TRAPPC9: variants seen among roughly 807,000 people sequenced by gnomAD.
TRAPPC9 encodes IKK2 binding protein.
TRAPPC9 carries 83 observed loss-of-function variants against 124.0 expected under a neutral mutation model. The ratio of observed to expected loss-of-function variants is 0.67; its 90% CI spans 0.56 to 0.80. The LOEUF is 0.80. Ranked by LOEUF, TRAPPC9 falls within the 30% of genes least tolerant of loss-of-function variation. TRAPPC9 has a pLI of 0.00. For missense variants in TRAPPC9, 1,302 were observed against 1,508.3 expected, an observed-to-expected ratio of 0.86 and a Z score of 2.27; for synonymous variants, 638 against 617.5, an observed-to-expected ratio of 1.03 and a Z score of -0.49.
chr8:140,222,067 A>G (rs12545067), intron 16 of TRAPPC9, among the ~76,000 whole-genome samples: 105,792 of 151,954 alleles, frequency 0.7, 37,138 homozygotes, highest in Admixed American at 0.75. Flanking sequence ...TGTGATGACC[A>G]AGGCCCCAGC....
At chr8:140,350,262 G>GCCTGT (rs1032887387) in intron 9 of TRAPPC9, among the ~76,000 whole-genome samples, 2 of 152,118 alleles carry the variant, frequency 1.3e-5, no homozygotes, top group Non-Finnish European at 2.9e-5. Context: ...TGTATTCAGC[G>GCCTGT]ACGTCTGCTG....
rs1298740619 is a variant in TRAPPC9, at chr8:140,292,937, A to C, written c.1769-1859T>G. ...ATCAGAGTGAACAGGCAACCTACAA[A>C]ATGGGAGAAAATTTTCGCAACCTAC... On this transcript the variant is annotated intron_variant, in intron 11 of 22. Transcript: ENST00000438773. 5.7e-5 allele frequency among the ~76,000 whole-genome samples: 8 copies of C among 141,028 alleles called. No homozygotes were observed. In the East Asian group the frequency reaches 8.0e-4, roughly 14 times the overall value. The allele number at this position is 141,028 out of a possible 152,430, so 92.5% of individuals were successfully genotyped here. A position where few individuals can be genotyped will look rare whatever the true frequency, so the allele number is the denominator to read the frequency against.
chr8:140,135,550 GTA>G (rs1409725423), intron 17 of TRAPPC9, among the ~76,000 whole-genome samples: 1 of 152,164 alleles, frequency 6.6e-6, no homozygotes, highest in East Asian at 1.9e-4. Flanking sequence ...GACAAATACT[GTA>G]TAATTCCACA....
At chr8:140,340,603 G>A (rs532370702) in intron 9 of TRAPPC9, among the ~76,000 whole-genome samples, 2 of 152,258 alleles carry the variant, frequency 1.3e-5, no homozygotes, top group South Asian at 4.1e-4. Context: ...TTTTGCAGTT[G>A]AAAAACAGGC....
chr8:139,992,596 A>G (rs573070330), intron 18 of TRAPPC9, among the ~76,000 whole-genome samples: 68 of 151,240 alleles, frequency 4.5e-4, no homozygotes, highest in African/African-American at 1.5e-3. Context: ...GAAAAATCCC[A>G]AAAGGGTTTT....
chr8:139,984,852 C>G lies in TRAPPC9; in HGVS notation c.2810+3874G>C, dbSNP rs537750176. On this transcript the variant is annotated intron_variant, in intron 19 of 22. Coordinates refer to ENST00000438773, the MANE Select transcript of TRAPPC9 (RefSeq NM_001160372.4). This position sits in a 1 kb window ranked among gnomAD's most constrained non-coding sequence, Gnocchi z 4.3. ...CGCCTAAGATGACTTCCCAGATGGA[C>G]GTAACCTCATGACCTCTAGTTCACC... Among the ~76,000 whole-genome samples, 1 of 152,136 alleles carries G rather than the reference C, an allele frequency of 6.6e-6. No individual in the cohort carries two copies. Among genetic ancestry groups the G allele is most frequent in the Non-Finnish European group, 1.5e-5 (1 of 68,038 alleles).
intron 17 of TRAPPC9, among the ~76,000 whole-genome samples, chr8:140,150,801 G>A (rs546546894): frequency 7.0e-6 from 1 of 142,300 alleles, no homozygotes; most frequent in African/African-American, 2.7e-5. Flanking sequence ...GACCCTCAAC[G>A]CAGCCTCCAG....
intron 16 of TRAPPC9, among the ~76,000 whole-genome samples, chr8:140,239,453 G>A (rs2063807899): frequency 6.6e-6 from 1 of 152,212 alleles, no homozygotes; most frequent in Non-Finnish European, 1.5e-5. Context: ...ATTGGGGGAG[G>A]ATGCAGCCAC....
chr8:140,366,535 C>T (rs934316660), intron 8 of TRAPPC9, among the ~76,000 whole-genome samples: 3 of 152,160 alleles, frequency 2.0e-5, no homozygotes, highest in African/African-American at 7.2e-5. Flanking sequence ...AAAAAAATAA[C>T]TCTAGACACA....
intron 21 of TRAPPC9, among the ~76,000 whole-genome samples, chr8:139,740,734 T>C (rs947333862): frequency 3.3e-5 from 5 of 152,206 alleles, no homozygotes; most frequent in Admixed American, 3.3e-4. Flanking sequence ...TGAGCTCAGG[T>C]GCTCCATGGG....
intron 3 of TRAPPC9, among the ~76,000 whole-genome samples, chr8:140,437,256 AT>A (rs1450311857): frequency 2.0e-5 from 3 of 151,978 alleles, no homozygotes; most frequent in Non-Finnish European, 2.9e-5. Context: ...GTGAAGTAAG[AT>A]TTTTTTATTT....
At chr8:139,919,916 C>T (rs1832404750) in intron 19 of TRAPPC9, among the ~76,000 whole-genome samples, 1 of 152,218 alleles carries the variant, frequency 6.6e-6, no homozygotes, top group South Asian at 2.1e-4. Flanking sequence ...ACTGCCCGGA[C>T]CCTTCCGCCT....
intron 21 of TRAPPC9, among the ~76,000 whole-genome samples, chr8:139,741,906 G>A (rs1586741588): frequency 1.3e-5 from 2 of 152,274 alleles, no homozygotes; most frequent in East Asian, 3.9e-4. Flanking sequence ...GGCACATTTT[G>A]TTCATATAGC....
intron 16 of TRAPPC9, among the ~76,000 whole-genome samples, chr8:140,247,047 G>T (rs1276974671): frequency 6.6e-6 from 1 of 152,010 alleles, no homozygotes; most frequent in Non-Finnish European, 1.5e-5. Flanking sequence ...AAATTATTGT[G>T]ATGGATACTG....
At chr8:139,754,812 G>A (rs750955261) in intron 21 of TRAPPC9, among the ~76,000 whole-genome samples, 20 of 152,346 alleles carry the variant, frequency 1.3e-4, no homozygotes, top group South Asian at 4.1e-4. Flanking sequence ...TCCTGCTGGT[G>A]CAAAACCACA....
chr8:140,201,745 G>A (rs2062795088), intron 17 of TRAPPC9, among the ~76,000 whole-genome samples: 1 of 152,156 alleles, frequency 6.6e-6, no homozygotes, highest in Non-Finnish European at 1.5e-5. Flanking sequence ...CAAACACTAA[G>A]TCAATATTAT....
At chr8:139,787,019 T>C (rs1327489623) in intron 21 of TRAPPC9, among the ~76,000 whole-genome samples, 1 of 152,188 alleles carries the variant, frequency 6.6e-6, no homozygotes, top group Non-Finnish European at 1.5e-5. Context: ...GTTAAATATG[T>C]TTCATTTATT....
At chr8:139,940,296 T>C (rs530134064) in intron 19 of TRAPPC9, among the ~76,000 whole-genome samples, 14 of 152,324 alleles carry the variant, frequency 9.2e-5, no homozygotes, top group African/African-American at 3.1e-4. Context: ...CACAAATTAC[T>C]AGACAGAGAA....
At chr8:140,115,644 T>G (rs959308487) in intron 17 of TRAPPC9, among the ~76,000 whole-genome samples, 7 of 152,104 alleles carry the variant, frequency 4.6e-5, no homozygotes, top group Non-Finnish European at 7.4e-5. Context: ...AATCTAAGGA[T>G]GTGGAACCGG....
Sources: allele counts gnomAD v4.1 joint callset (sites outside exome capture counted in the v4.1 genomes callset), GRCh38; gene constraint gnomAD v4.1.1; non-coding constraint Gnocchi (gnomAD v3.1); transcripts MANE v1.5; gene names NCBI Gene and HGNC (gene_info 2026-07-23, HGNC 2026-07-21).